Variants in PPT1 observed in about 807,000 individuals in gnomAD.
PPT1 encodes the protein palmitoyl-protein thioesterase 1, also known as ceroid-palmitoyl-palmitoyl-protein thioesterase 1.
In PPT1, 24 loss-of-function variants were observed where a neutral mutation model predicts 44.0. The ratio of observed to expected loss-of-function variants is 0.54; its 90% confidence interval spans 0.39 to 0.77. The LOEUF is 0.77. PPT1 is among the 30% of genes least tolerant of loss of function. PPT1 has a pLI of 0.00. For synonymous variants in PPT1, 148 were observed against 140.2 expected (o/e 1.06, Z -0.39); for missense variants, 341 against 378.8 (o/e 0.90, Z 0.83).
chr1:40,079,202 C>T (rs1307186250), intron 6 of PPT1, among the ~76,000 whole-genome samples: 1 of 152,074 alleles, frequency 6.6e-6, no homozygotes, highest in East Asian at 1.9e-4. Flanking sequence ...GTGTAATATT[C>T]CATGGTGTAT....
intron 5 of PPT1, among the ~76,000 whole-genome samples, chr1:40,087,912 CT>C (rs1268278549): frequency 6.6e-6 from 1 of 152,128 alleles, no homozygotes; most frequent in African/African-American, 2.4e-5. Context: ...CCCAAAACAG[CT>C]TTGTGGCTAT....
In PPT1 at chr1:40,078,591, T is replaced by C. The variant is rs768490419; in HGVS notation, c.695A>G (p.Asn232Ser). 2.1e-5 allele frequency: 34 copies of C among 1,613,834 alleles called. No homozygotes were observed. The highest frequency in any genetic ancestry group is 2.2e-5 in the East Asian group (1 of 44,886). ...ATCTACAGGGTCCACAATGGAATCA[T>C]TGAGGAATTTCACCATCACAAACTT... ...LKKFVMVKFL[N>S]DSIVDPVDSE... Residue 232 changes from asparagine (N) to serine (S), a missense_variant, in exon 7 of 9, where the codon AAT becomes AGT. Transcript: ENST00000642050.
intron 2 of PPT1, 53 bp downstream of exon 2, chr1:40,092,345 T>C (rs1649611788): frequency 6.5e-7 from 1 of 1,530,262 alleles, no homozygotes; most frequent in Non-Finnish European, 9.1e-7. Context: ...TAACAGTATA[T>C]GCTATGAAAT....
intron 5 of PPT1, among the ~76,000 whole-genome samples, chr1:40,083,880 C>T (rs1179007201): frequency 6.6e-6 from 1 of 152,004 alleles, no homozygotes; most frequent in Non-Finnish European, 1.5e-5. Flanking sequence ...GATCCTATCT[C>T]TACAAAAAAA....
chr1:40,092,424 A>C lies in PPT1; in HGVS notation c.208T>G (p.Leu70Val), dbSNP rs760932129. ...TCCATCAGGGTCTTCCCAATCTCTA[A>C]AGATAAGACGTAAATTCCAGGTATT... ...KKIPGIYVLSLEIGKTLMEDV... is the reference protein window; with the variant it reads ...KKIPGIYVLSVEIGKTLMEDV... Residue 70 changes from leucine to valine, a missense_variant, in exon 2 of 9, where the codon TTA becomes GTA. Coordinates refer to ENST00000642050, the MANE Select transcript of PPT1 (RefSeq NM_000310.4). 6.2e-7 allele frequency: 1 copy of C among 1,612,950 alleles called. No homozygotes were observed. Among genetic ancestry groups the C allele is most frequent in the South Asian group, 1.1e-5 (1 of 91,056 alleles).
intron 5 of PPT1, among the ~76,000 whole-genome samples, chr1:40,082,845 G>A (rs1649042613): frequency 6.6e-6 from 1 of 152,190 alleles, no homozygotes; most frequent in African/African-American, 2.4e-5. Context: ...GTCTTAAATT[G>A]GAAGAAGATG....
rs566280880 is a variant in PPT1 at position 40,091,252 on chromosome 1, G to A, written c.433+77C>T. 4.0e-5 allele frequency: 58 copies of A among 1,441,942 alleles called. No homozygotes were observed. In the East Asian group the frequency reaches 1.3e-3, roughly 33 times the overall value. 89.3% of individuals were successfully genotyped at this position (1,441,942 alleles called of 1,614,324 possible). On this transcript the variant is annotated intron_variant, in intron 4 of 8. Transcript: ENST00000642050. ...ATGGCTGATGTCTTGTGCAAATATA[G>A]TTCCTAGATTTTTTTTTAAATCAGG... is the stretch of plus-strand genomic sequence containing the variant.
intron 5 of PPT1, among the ~76,000 whole-genome samples, chr1:40,087,452 A>C (rs1219798280): frequency 1.3e-5 from 2 of 151,990 alleles, no homozygotes; most frequent in East Asian, 2.0e-4. Context: ...CATGTTGGCC[A>C]GGCTGGTCTT....
chr1:40,096,522 AAATT>A (rs1167739670), intron 1 of PPT1, among the ~76,000 whole-genome samples: 93 of 152,316 alleles, frequency 6.1e-4, no homozygotes, highest in African/African-American at 2.1e-3. Context: ...GGGTTGCACA[AAATT>A]ATTTAAAATA....
At position 40,076,556 on chromosome 1, in the gene PPT1, C is replaced by T. The variant is rs1648642529; in HGVS notation, c.798+286G>A. 6.2e-6 allele frequency: 6 copies of T among 962,826 alleles called. No individual in the cohort carries two copies. In the South Asian group the frequency reaches 1.4e-4, roughly 23 times the overall value. The allele number at this position is 962,826 out of a possible 1,614,324, so 59.6% of individuals were successfully genotyped here. A position where few individuals can be genotyped will look rare whatever the true frequency, so the allele number is the denominator to read the frequency against. On this transcript the variant is annotated intron_variant, in intron 8 of 8. Coordinates refer to ENST00000642050, the MANE Select transcript of PPT1 (RefSeq NM_000310.4). ...TCAGCCAAGGCAGCTAGTTTTAAAACCTTTTTATCAAAAGAAGGGAATCAG... is the reference window on the plus strand; with the variant it reads ...TCAGCCAAGGCAGCTAGTTTTAAAATCTTTTTATCAAAAGAAGGGAATCAG...
At chr1:40,095,207 C>A (rs1218311254) in intron 1 of PPT1, among the ~76,000 whole-genome samples, 3 of 152,172 alleles carry the variant, frequency 2.0e-5, no homozygotes, top group Admixed American at 6.6e-5. Context: ...ACATTTTCTT[C>A]ACTTGGCTTC....
intron 5 of PPT1, among the ~76,000 whole-genome samples, chr1:40,085,305 C>G (rs1044888367): frequency 6.6e-6 from 1 of 152,166 alleles, no homozygotes; most frequent in Non-Finnish European, 1.5e-5. Context: ...GGGAAGGGCC[C>G]CCTGTCCAGT....
chr1:40,083,878 C>G (rs1264098538), intron 5 of PPT1, among the ~76,000 whole-genome samples: 1 of 152,022 alleles, frequency 6.6e-6, no homozygotes, highest in Non-Finnish European at 1.5e-5. Flanking sequence ...GAGATCCTAT[C>G]TCTACAAAAA....
At chr1:40,096,907 C>A in intron 1 of PPT1, 1 of 880,416 alleles carries the variant, frequency 1.1e-6, no homozygotes, top group South Asian at 1.7e-5. Context: ...GCGGCTCTCT[C>A]TTTCCTTCCC....
At chr1:40,085,016 C>T (rs1024575205) in intron 5 of PPT1, among the ~76,000 whole-genome samples, 1 of 152,052 alleles carries the variant, frequency 6.6e-6, no homozygotes, top group South Asian at 2.1e-4. Context: ...TCCCTTTCCC[C>T]GGGGGAGTTT....
chr1:40,071,759 TC>T (rs201511448), downstream of PPT1: 3,917 of 556,382 alleles, frequency 7.0e-3, 14 homozygotes, highest in Admixed American at 0.011. Context: ...CCATATCAGC[TC>T]AACCACGCCG....
At chr1:40,080,328 T>C in intron 6 of PPT1, 69 bp downstream of exon 6, 1 of 1,479,138 alleles carries the variant, frequency 6.8e-7, no homozygotes, top group Non-Finnish European at 9.5e-7. Flanking sequence ...CAGTCACTGC[T>C]GATTTGTTTA....
At chr1:40,085,371 C>T (rs867906420) in intron 5 of PPT1, among the ~76,000 whole-genome samples, 3 of 152,274 alleles carry the variant, frequency 2.0e-5, no homozygotes, top group Middle Eastern at 3.4e-3. Flanking sequence ...CACTCCTTAC[C>T]CTGCCCCCCT....
rs1648332582 is a variant in PPT1 at position 40,073,018 on chromosome 1, A to C, written c.*1043T>G. The C allele has an allele frequency of 6.6e-6, 1 of 152,376 alleles. No homozygotes were observed. The highest frequency in any genetic ancestry group is 1.5e-5 in the Non-Finnish European group (1 of 68,040). 9.4% of individuals were successfully genotyped at this position (152,376 alleles called of 1,614,324 possible). A position where few individuals can be genotyped will look rare whatever the true frequency, so the allele number is the denominator to read the frequency against. On this transcript the variant is annotated 3_prime_UTR_variant, in exon 9 of 9. Coordinates refer to ENST00000642050, the MANE Select transcript of PPT1 (RefSeq NM_000310.4). Reference sequence around the variant, plus strand: ...AGATTACGTTAGTTTTGTTTACTGTAACAGGAATTCTCAGGAGTCCTTAGA... The same window carrying C: ...AGATTACGTTAGTTTTGTTTACTGTCACAGGAATTCTCAGGAGTCCTTAGA...
Sources: gnomAD v4.1 joint callset for allele counts (sites outside exome capture counted in the v4.1 genomes callset) on GRCh38, gnomAD v4.1.1 for gene constraint, MANE v1.5 for transcripts, NCBI Gene and HGNC (gene_info 2026-07-23, HGNC 2026-07-21) for gene names.